Variants in B3GALT1 observed in about 807,000 individuals in gnomAD.
The protein encoded by B3GALT1 is beta-1,3-galactosyltransferase 1.
B3GALT1 carries 10 observed loss-of-function variants against 23.2 expected under a neutral mutation model. The ratio of observed to expected loss-of-function variants is 0.43; its 90% CI spans 0.27 to 0.73. B3GALT1 has a LOEUF of 0.73. Ranked by LOEUF, B3GALT1 falls within the 30% of genes least tolerant of loss-of-function variation. The pLI is 0.21. For missense variants in B3GALT1, 299 were observed against 405.4 expected (o/e 0.74, Z 2.25); for synonymous variants, 156 against 141.5 (o/e 1.10, Z -0.73).
At chr2:167,314,406 G>C (rs2105488449) in intron 1 of B3GALT1, among the ~76,000 whole-genome samples, 1 of 152,216 alleles carries the variant, frequency 6.6e-6, no homozygotes, top group East Asian at 1.9e-4. Flanking sequence ...GTGTGTTCCA[G>C]TGTTTTCTTT....
intron 1 of B3GALT1, among the ~76,000 whole-genome samples, chr2:167,313,376 A>C (rs932630351): frequency 2.6e-5 from 4 of 152,174 alleles, no homozygotes; most frequent in Non-Finnish European, 5.9e-5. Flanking sequence ...CAAATTTGAC[A>C]GAGTATTCTT....
chr2:167,372,456 C>T (rs923322825), intron 1 of B3GALT1, among the ~76,000 whole-genome samples: 2 of 152,030 alleles, frequency 1.3e-5, no homozygotes, highest in Non-Finnish European at 2.9e-5. Context: ...CCAGAGGCCC[C>T]CTTCCACCAC....
At chr2:167,413,398 C>T (rs780512463) in intron 1 of B3GALT1, among the ~76,000 whole-genome samples, 12 of 152,030 alleles carry the variant, frequency 7.9e-5, no homozygotes, top group African/African-American at 2.2e-4. Context: ...GTTATATTTT[C>T]GAGGTTTTCT....
At position 167,598,197 on chromosome 2, in the gene B3GALT1, A is replaced by G. The variant is rs1046490622; in HGVS notation, c.-409-48712A>G. Among the ~76,000 whole-genome samples the G allele has an allele frequency of 3.9e-5, 6 of 152,190 alleles. No individual in the cohort carries two copies. The South Asian group carries it at 6.2e-4, about 16-fold the overall frequency. On this transcript the variant is annotated intron_variant, in intron 2 of 4. Transcript: ENST00000392690. ...AAAAATTGAAGCAAGACTGAAATAT[A>G]TAGCCAGAGAAATCAGAAATTGTAA...
chr2:167,543,980 C>T (rs1424649903), intron 2 of B3GALT1, among the ~76,000 whole-genome samples: 2 of 152,224 alleles, frequency 1.3e-5, no homozygotes, highest in Non-Finnish European at 1.5e-5. Context: ...CTCTCCTTAG[C>T]ATGTTGGCTT....
At chr2:167,488,027 G>A (rs1450658542) in intron 1 of B3GALT1, among the ~76,000 whole-genome samples, 2 of 152,038 alleles carry the variant, frequency 1.3e-5, no homozygotes, top group Admixed American at 6.6e-5. Flanking sequence ...GGACATAGAC[G>A]ACCTAAATTC....
In B3GALT1 at chr2:167,868,990, G is replaced by A; in HGVS notation, c.-50G>A. 6.6e-7 allele frequency: 1 copy of A among 1,525,678 alleles called. No individual in the cohort carries two copies. The highest frequency in any genetic ancestry group is 8.8e-7 in the Non-Finnish European group (1 of 1,138,140). 94.5% of individuals were successfully genotyped at this position (1,525,678 alleles called of 1,614,324 possible). ...CTTTGGAAGATGAAAACAAACTAGT[G>A]CCAAGGAGGCGTATTCTTCAATATT... On this transcript the variant is annotated 5_prime_UTR_variant, in exon 5 of 5. Coordinates refer to ENST00000392690, the MANE Select transcript of B3GALT1 (RefSeq NM_020981.4).
intron 1 of B3GALT1, among the ~76,000 whole-genome samples, chr2:167,393,715 A>G (rs916793041): frequency 6.6e-6 from 1 of 152,158 alleles, no homozygotes; most frequent in African/African-American, 2.4e-5. Flanking sequence ...TTGACATAGT[A>G]TGGTAGTTTT....
chr2:167,373,171 G>A (rs1169835485), intron 1 of B3GALT1, among the ~76,000 whole-genome samples: 1 of 151,744 alleles, frequency 6.6e-6, no homozygotes, highest in Non-Finnish European at 1.5e-5. Context: ...ATAAGTTTAT[G>A]AGAAAAAAAG....
chr2:167,627,663 CT>C (rs1197835026), intron 2 of B3GALT1, among the ~76,000 whole-genome samples: 4 of 151,664 alleles, frequency 2.6e-5, no homozygotes, highest in African/African-American at 9.6e-5. Flanking sequence ...GAACTTATAT[CT>C]TTTTTTATTT....
intron 2 of B3GALT1, among the ~76,000 whole-genome samples, chr2:167,590,735 TA>T (rs1200695658): frequency 6.6e-6 from 1 of 152,222 alleles, no homozygotes; most frequent in Non-Finnish European, 1.5e-5. Context: ...TGACTCTTGA[TA>T]TTTTTTTGAA....
rs77569203 is a variant in B3GALT1, at chr2:167,676,435, G to A, written c.-352+29469G>A. Among the ~76,000 whole-genome samples, 428 of 151,300 alleles carry A rather than the reference G, an allele frequency of 2.8e-3. 3 individuals are homozygous for A. The highest frequency in any genetic ancestry group is 9.6e-3 in the African/African-American group (397 of 41,188). On this transcript the variant is annotated intron_variant, in intron 3 of 4. Coordinates refer to ENST00000392690, the MANE Select transcript of B3GALT1 (RefSeq NM_020981.4). ...GCATCAGATGAGTTGTTGAGAGAAC[G>A]CCTTGAATTTTTATCAACTCTTCCC...
intron 1 of B3GALT1, among the ~76,000 whole-genome samples, chr2:167,352,141 T>G (rs868125446): frequency 2.0e-3 from 296 of 150,632 alleles, no homozygotes; most frequent in African/African-American, 6.7e-3. Context: ...TTTTTTTTTT[T>G]GTATTTTCGT....
At chr2:167,465,891 G>A (rs1453394994) in intron 1 of B3GALT1, among the ~76,000 whole-genome samples, 4 of 151,316 alleles carry the variant, frequency 2.6e-5, no homozygotes, top group African/African-American at 9.8e-5. Flanking sequence ...TTTTCAATAA[G>A]GTTTTTTTTT....
intron 3 of B3GALT1, among the ~76,000 whole-genome samples, chr2:167,652,437 A>G (rs73015485): frequency 0.058 from 8,876 of 152,282 alleles, 639 homozygotes; most frequent in African/African-American, 0.17. Flanking sequence ...AGCTTGCAGC[A>G]TTGTGAGAAT....
intron 1 of B3GALT1, among the ~76,000 whole-genome samples, chr2:167,375,409 G>C (rs1697747357): frequency 6.6e-6 from 1 of 152,044 alleles, no homozygotes; most frequent in South Asian, 2.1e-4. Flanking sequence ...GAATAGCGTT[G>C]AATCTATAGA....
chr2:167,637,748 T>C (rs536986606), intron 2 of B3GALT1, among the ~76,000 whole-genome samples: 1 of 152,144 alleles, frequency 6.6e-6, no homozygotes, highest in Admixed American at 6.6e-5. Context: ...AGTGAAAACA[T>C]GCAGTATTTG....
At chr2:167,501,407 G>A (rs1699845831) in intron 2 of B3GALT1, among the ~76,000 whole-genome samples, 1 of 151,770 alleles carries the variant, frequency 6.6e-6, no homozygotes, top group Non-Finnish European at 1.5e-5. Context: ...TACATAAGAT[G>A]TTCAATTGCA....
intron 1 of B3GALT1, among the ~76,000 whole-genome samples, chr2:167,446,474 C>T (rs577677192): frequency 1.3e-5 from 2 of 152,266 alleles, no homozygotes; most frequent in African/African-American, 2.4e-5. Context: ...AACTTGGTTC[C>T]ATTCTCCCTG....
Sources: gnomAD v4.1 joint callset for allele counts (sites outside exome capture counted in the v4.1 genomes callset) on GRCh38, gnomAD v4.1.1 for gene constraint, MANE v1.5 for transcripts, NCBI Gene and HGNC (gene_info 2026-07-23, HGNC 2026-07-21) for gene names.